Variants in SLC14A2 observed in about 807,000 individuals in gnomAD.
SLC14A2 encodes the protein urea transporter 2.
In SLC14A2, 91 loss-of-function variants were observed where a neutral mutation model predicts 104.6. That is an observed-to-expected ratio of 0.87 (90% CI 0.73 to 1.04). The LOEUF (loss-of-function observed/expected upper bound fraction) is 1.04, where lower values mean the gene tolerates loss of function less well. Among genes scored for constraint, SLC14A2 ranks in the 50% least tolerant of loss-of-function variants. SLC14A2 has a pLI of 0.00. For missense variants in SLC14A2, 1,189 were observed against 1,156.0 expected (o/e 1.03, Z -0.41); for synonymous variants, 476 against 466.4 (o/e 1.02, Z -0.27).
intron 1 of SLC14A2, among the ~76,000 whole-genome samples, chr18:45,298,380 T>A (rs2084936780): frequency 6.6e-6 from 1 of 152,216 alleles, no homozygotes; most frequent in East Asian, 1.9e-4. Flanking sequence ...GATGCGGATA[T>A]AACCATGTAG....
At chr18:45,431,400 T>C (rs1039107242) in intron 1 of SLC14A2, among the ~76,000 whole-genome samples, 8 of 152,208 alleles carry the variant, frequency 5.3e-5, no homozygotes, top group African/African-American at 1.9e-4. Flanking sequence ...TATGCCTCAG[T>C]TTCTTTCCCA....
chr18:45,637,312 G>A, intron 6 of SLC14A2, 130 bp downstream of exon 6: 1 of 689,460 alleles, frequency 1.5e-6, no homozygotes, highest in Non-Finnish European at 2.4e-6. Context: ...GGCCTCAGCA[G>A]GGTATCAGAA....
Position 45,671,936 on chromosome 18 carries a change from C to T in SLC14A2, c.2230-964C>T, listed in dbSNP as rs534493650. 2.2e-3 allele frequency among the ~76,000 whole-genome samples: 332 copies of T among 152,316 alleles called. 1 individual carries two copies. In the Middle Eastern group the frequency reaches 0.027, roughly 12 times the overall value. ...GGATCCTCTTCCCAAACTCTCGGAC[C>T]TTTGTGCAGGTGCCCACAAGGCACC... On this transcript the variant is annotated intron_variant, in intron 16 of 19. Coordinates refer to ENST00000255226, the MANE Select transcript of SLC14A2 (RefSeq NM_007163.4).
chr18:45,580,623 G>C (rs535097893), intron 2 of SLC14A2, among the ~76,000 whole-genome samples: 3 of 152,288 alleles, frequency 2.0e-5, no homozygotes, highest in African/African-American at 7.2e-5. Context: ...CCCTCATTCT[G>C]GCTGTTTTGC....
chr18:45,236,285 G>C (rs1255869054), intron 1 of SLC14A2, among the ~76,000 whole-genome samples: 1 of 56,112 alleles, frequency 1.8e-5, no homozygotes, highest in Non-Finnish European at 3.0e-5. Flanking sequence ...GTGTATATGT[G>C]TATATATACA....
rs543655983 is a variant in SLC14A2, at chr18:45,258,335, C to T, written c.-125+45144C>T. ...AGGAGCACAGATGCCCAGAAGTGCC[C>T]GAATCTCACAGACCACCCCTGTTGC... On this transcript the variant is annotated intron_variant, in intron 1 of 20. Coordinates refer to the SLC14A2 transcript ENST00000586448. Among the ~76,000 whole-genome samples the T allele has an allele frequency of 2.1e-5, 3 of 142,064 alleles. 1 individual carries two copies. The highest frequency in any genetic ancestry group is 4.7e-4 in the South Asian group (2 of 4,242). The allele number at this position is 142,064 out of a possible 152,430, so 93.2% of individuals were successfully genotyped here.
At chr18:45,404,512 A>T (rs2086132103) in intron 1 of SLC14A2, among the ~76,000 whole-genome samples, 1 of 152,222 alleles carries the variant, frequency 6.6e-6, no homozygotes, top group South Asian at 2.1e-4. Context: ...CTTGAAGGTT[A>T]GATGGCATAA....
intron 1 of SLC14A2, among the ~76,000 whole-genome samples, chr18:45,414,757 A>AAAAAAAAAATATAT (rs1360051908): frequency 2.6e-5 from 2 of 76,126 alleles, no homozygotes; most frequent in South Asian, 3.7e-4. Context: ...AAAAAAAAAA[A>AAAAAAAAAATATAT]ATATATATAT....
Position 45,594,491 on chromosome 18 carries a change from G to A in SLC14A2, c.-34-30140G>A, listed in dbSNP as rs2144396466. On this transcript the variant is annotated intron_variant, in intron 2 of 20. Transcript: ENST00000586448. ...TCTTTGATCTTCATTTGACTGTTAGGATTGAAAGGTTCAGCTTGTCCCTCT... is the reference window on the plus strand; with the variant it reads ...TCTTTGATCTTCATTTGACTGTTAGAATTGAAAGGTTCAGCTTGTCCCTCT... Among the ~76,000 whole-genome samples, 3 of 152,198 alleles carry A rather than the reference G, an allele frequency of 2.0e-5. No individual in the cohort carries two copies. The South Asian group carries it at 6.3e-4, about 32-fold the overall frequency.
chr18:45,370,017 A>AT (rs2085705936), intron 1 of SLC14A2, among the ~76,000 whole-genome samples: 2 of 152,202 alleles, frequency 1.3e-5, no homozygotes, highest in Non-Finnish European at 2.9e-5. Context: ...AGAGCTGTTG[A>AT]GGCTCTAGGC....
the SLC14A2 span, among the ~76,000 whole-genome samples, chr18:45,194,624 T>G: frequency 2.0e-5 from 3 of 149,406 alleles, no homozygotes; most frequent in African/African-American, 7.4e-5. Context: ...TGCATCTCTA[T>G]GAGGGATATT....
At chr18:45,433,943 C>T (rs969710911) in intron 1 of SLC14A2, among the ~76,000 whole-genome samples, 3 of 152,196 alleles carry the variant, frequency 2.0e-5, no homozygotes, top group African/African-American at 7.2e-5. Flanking sequence ...TTCTCACTGC[C>T]TTCAGTTCAT....
At chr18:45,321,301 C>T (rs1036379486) in intron 1 of SLC14A2, among the ~76,000 whole-genome samples, 1 of 152,218 alleles carries the variant, frequency 6.6e-6, no homozygotes, top group Admixed American at 6.5e-5. Context: ...ACCATATGAT[C>T]TCAGAACTTC....
intron 1 of SLC14A2, among the ~76,000 whole-genome samples, chr18:45,452,945 G>A (rs2086880502): frequency 6.6e-6 from 1 of 152,188 alleles, no homozygotes; most frequent in Non-Finnish European, 1.5e-5. Flanking sequence ...GTGGCCCACT[G>A]AAGCAATTGC....
intron 2 of SLC14A2, among the ~76,000 whole-genome samples, chr18:45,505,042 A>G (rs1405451442): frequency 6.6e-6 from 1 of 152,186 alleles, no homozygotes; most frequent in Non-Finnish European, 1.5e-5. Context: ...ATGGGGCTAG[A>G]AAGAAAGAGA....
chr18:45,508,881 A>G (rs962493494), intron 2 of SLC14A2, among the ~76,000 whole-genome samples: 2 of 152,238 alleles, frequency 1.3e-5, no homozygotes, highest in Non-Finnish European at 2.9e-5. Context: ...ATATGTAAAC[A>G]TGTAAACAGA....
In SLC14A2 at chr18:45,632,366, G is replaced by A. The variant is rs2045358674; in HGVS notation, c.538G>A (p.Gly180Arg). The change falls in exon 5 of 20, where the codon GGA (glycine) becomes AGA (arginine). Residue 180 changes from glycine (G) to arginine (R), a missense_variant. Transcript: ENST00000255226. Reference sequence around the variant, plus strand: ...CACCGCCAGGTCTGCCATTGCCTCAGGACTCCATGGGTACAACGGGATGCT... The same window carrying A: ...CACCGCCAGGTCTGCCATTGCCTCAAGACTCCATGGGTACAACGGGATGCT... The part of the protein sequence containing the change: ...LGQDRSAIAS[G>R]LHGYNGMLVG... 1.2e-6 allele frequency: 2 copies of A among 1,613,224 alleles called. No homozygotes were observed. Among genetic ancestry groups the A allele is most frequent in the African/African-American group, 1.3e-5 (1 of 74,814 alleles).
chr18:45,639,558 C>T (rs987498521), intron 6 of SLC14A2, among the ~76,000 whole-genome samples, 188 bp from the exon 7 acceptor site: 6 of 152,154 alleles, frequency 3.9e-5, no homozygotes, highest in African/African-American at 1.4e-4. Flanking sequence ...CACATGCCTG[C>T]TGGGTGGTAG....
chr18:45,318,849 A>G (rs922257753), intron 1 of SLC14A2, among the ~76,000 whole-genome samples: 1 of 151,950 alleles, frequency 6.6e-6, no homozygotes. Context: ...CCCGGTCAGC[A>G]TGCTTGCTTC....
Sources: allele counts gnomAD v4.1 joint callset (sites outside exome capture counted in the v4.1 genomes callset), GRCh38; gene constraint gnomAD v4.1.1; transcripts MANE v1.5; gene names NCBI Gene and HGNC (gene_info 2026-07-23, HGNC 2026-07-21).